CNTN1: variants seen among roughly 807,000 people sequenced by gnomAD.
CNTN1 encodes contactin 1.
A neutral mutation model predicts 126.4 loss-of-function variants in CNTN1; 38 were observed. The ratio of observed to expected loss-of-function variants is 0.30; its 90% confidence interval spans 0.23 to 0.39. CNTN1 has a LOEUF of 0.39. CNTN1 is among the 10% of genes least tolerant of loss of function. CNTN1 has a pLI of 1.00. For missense variants in CNTN1, 1,009 were observed against 1,248.4 expected, an observed-to-expected ratio of 0.81 and a Z score of 2.89; for synonymous variants, 413 against 422.6, an observed-to-expected ratio of 0.98 and a Z score of 0.28.
At chr12:40,925,627 A>G (rs2405297) in intron 6 of CNTN1, among the ~76,000 whole-genome samples, 84,884 of 136,404 alleles carry the variant, frequency 0.62, 26,910 homozygotes, top group African/African-American at 0.77. Flanking sequence ...ATATATACAC[A>G]TATATATATA....
At chr12:41,057,927 G>T (rs936449814) in intron 23 of CNTN1, among the ~76,000 whole-genome samples, 1 of 152,038 alleles carries the variant, frequency 6.6e-6, no homozygotes, top group Non-Finnish European at 1.5e-5. Flanking sequence ...ATATATTACA[G>T]GCGAGGAAGA....
intron 1 of CNTN1, among the ~76,000 whole-genome samples, chr12:40,764,271 C>T (rs1186136568): frequency 6.6e-6 from 1 of 152,114 alleles, no homozygotes; most frequent in Admixed American, 6.5e-5. Flanking sequence ...TTATTCAAGA[C>T]TATTGCAGTA....
chr12:41,050,175 C>T (rs899826576), intron 23 of CNTN1, among the ~76,000 whole-genome samples: 1 of 152,174 alleles, frequency 6.6e-6, no homozygotes, highest in Admixed American at 6.6e-5. Context: ...GCTGGGATTA[C>T]AGGTGAGAGC....
chr12:40,775,090 T>C (rs1391842912), intron 1 of CNTN1, among the ~76,000 whole-genome samples: 1 of 151,398 alleles, frequency 6.6e-6, no homozygotes, highest in Non-Finnish European at 1.5e-5. Flanking sequence ...ACACCCGCTC[T>C]TATTCCTTCT....
At chr12:40,837,420 C>A (rs1457039515) in intron 1 of CNTN1, among the ~76,000 whole-genome samples, 2 of 152,120 alleles carry the variant, frequency 1.3e-5, no homozygotes, top group Admixed American at 1.3e-4. Flanking sequence ...TGGCCCACAT[C>A]ACTATCATGG....
At chr12:40,832,739 A>G (rs1941894015) in intron 1 of CNTN1, among the ~76,000 whole-genome samples, 2 of 152,190 alleles carry the variant, frequency 1.3e-5, no homozygotes, top group Non-Finnish European at 2.9e-5. Context: ...TTAGTATACA[A>G]CTTGCCCCTG....
intron 1 of CNTN1, among the ~76,000 whole-genome samples, chr12:40,852,422 G>A (rs1942754069): frequency 6.6e-6 from 1 of 152,044 alleles, no homozygotes; most frequent in South Asian, 2.1e-4. Context: ...TGCTCTTTCA[G>A]GTACCTGGTA....
In CNTN1 at chr12:41,020,255, C is replaced by T. The variant is rs1948876956; in HGVS notation, c.2420-82C>T. Reference sequence around the variant, plus strand: ...TTAAAATTAAAGTATGGTCCAACATCATTCATATAGCAAATGATGCTATTC... The same window carrying T: ...TTAAAATTAAAGTATGGTCCAACATTATTCATATAGCAAATGATGCTATTC... On this transcript the variant is annotated intron_variant, in intron 19 of 23. Transcript: ENST00000551295. The T allele has an allele frequency of 5.8e-6, 5 of 866,664 alleles. No individual in the cohort carries two copies. The Admixed American group carries it at 1.0e-4, about 18-fold the overall frequency. The allele number at this position is 866,664 out of a possible 1,614,324, so 53.7% of individuals were successfully genotyped here. A position where few individuals can be genotyped will look rare whatever the true frequency, so the allele number is the denominator to read the frequency against.
chr12:40,841,657 A>T (rs1007423223), intron 1 of CNTN1, among the ~76,000 whole-genome samples: 1 of 149,038 alleles, frequency 6.7e-6, no homozygotes, highest in African/African-American at 2.5e-5. Flanking sequence ...CATTACATTA[A>T]TGGAATTGGG....
At chr12:40,954,207 T>A (rs1592315704) in intron 14 of CNTN1, among the ~76,000 whole-genome samples, 1 of 152,062 alleles carries the variant, frequency 6.6e-6, no homozygotes, top group African/African-American at 2.4e-5. Flanking sequence ...AATATAACTA[T>A]CATTTTGTGT....
intron 1 of CNTN1, among the ~76,000 whole-genome samples, chr12:40,709,344 A>C (rs1941851191): frequency 6.6e-6 from 1 of 152,240 alleles, no homozygotes; most frequent in Admixed American, 6.5e-5. Context: ...TGCTGTAAAC[A>C]GATATGCTAC....
At chr12:41,024,746 CAGA>C (rs1482540327) in intron 20 of CNTN1, among the ~76,000 whole-genome samples, 1 of 152,040 alleles carries the variant, frequency 6.6e-6, no homozygotes, top group Non-Finnish European at 1.5e-5. Flanking sequence ...AAGAATGGCT[CAGA>C]AGAAGTTTGA....
chr12:40,921,350 T>C lies in CNTN1; in HGVS notation c.228-906T>C, dbSNP rs551350588. 3.9e-5 allele frequency among the ~76,000 whole-genome samples: 6 copies of C among 152,332 alleles called. No homozygotes were observed. The South Asian group carries it at 1.2e-3, about 32-fold the overall frequency. On this transcript the variant is annotated intron_variant, in intron 4 of 23. Coordinates refer to ENST00000551295, the MANE Select transcript of CNTN1 (RefSeq NM_001843.4). ...GACCACAGCTCTAGGCTTATGACTT[T>C]CCTGAGGACATGGAACTTTAAAGGA...
intron 14 of CNTN1, among the ~76,000 whole-genome samples, chr12:40,956,492 G>T (rs1946885050): frequency 6.6e-6 from 1 of 152,050 alleles, no homozygotes; most frequent in African/African-American, 2.4e-5. Context: ...GATTTCAACT[G>T]GTATTGGGTA....
At chr12:40,723,082 T>C (rs948940976) in intron 1 of CNTN1, among the ~76,000 whole-genome samples, 1 of 151,948 alleles carries the variant, frequency 6.6e-6, no homozygotes, top group African/African-American at 2.4e-5. Flanking sequence ...GTAGCCGCCA[T>C]AGAGAGCTGT....
chr12:41,005,736 T>A (rs1242081803), intron 17 of CNTN1, among the ~76,000 whole-genome samples: 1 of 152,224 alleles, frequency 6.6e-6, no homozygotes, highest in Non-Finnish European at 1.5e-5. Flanking sequence ...GATTGCATTA[T>A]GAAATTCTTG....
intron 1 of CNTN1, among the ~76,000 whole-genome samples, chr12:40,887,960 A>C (rs1944102847): frequency 7.0e-6 from 1 of 143,668 alleles, no homozygotes; most frequent in Non-Finnish European, 1.5e-5. Context: ...TGGGAATTGA[A>C]CAATGAGAAC....
intron 1 of CNTN1, among the ~76,000 whole-genome samples, chr12:40,887,070 T>C (rs1387442474): frequency 6.6e-6 from 1 of 152,144 alleles, no homozygotes; most frequent in Non-Finnish European, 1.5e-5. Context: ...TGGTTCCATA[T>C]GAACTTTAAA....
intron 1 of CNTN1, among the ~76,000 whole-genome samples, chr12:40,868,874 T>C (rs1943394707): frequency 6.6e-6 from 1 of 152,130 alleles, no homozygotes; most frequent in Non-Finnish European, 1.5e-5. Flanking sequence ...CAATAATAGA[T>C]GCTTTAAAAA....
Sources: allele counts gnomAD v4.1 joint callset (sites outside exome capture counted in the v4.1 genomes callset), GRCh38; gene constraint gnomAD v4.1.1; transcripts MANE v1.5; gene names NCBI Gene and HGNC (gene_info 2026-07-23, HGNC 2026-07-21).